The following HECW1 variants were observed in gnomAD, a reference collection of about 807,000 sequenced individuals.
HECW1 encodes HECT, C2 and WW domain containing E3 ubiquitin protein ligase 1.
HECW1 carries 61 observed loss-of-function variants against 182.3 expected under a neutral mutation model. The ratio of observed to expected loss-of-function variants is 0.33; its 90% CI spans 0.27 to 0.41. HECW1 has a LOEUF of 0.41. Ranked by LOEUF, HECW1 falls within the 10% of genes least tolerant of loss-of-function variation. The probability of loss-of-function intolerance (pLI) is 1.00; values close to 1 mark genes in which losing one functional copy is unlikely to be tolerated. For missense variants in HECW1, 1,739 were observed against 2,108.9 expected, an observed-to-expected ratio of 0.82 and a Z score of 3.44; for synonymous variants, 859 against 832.6, an observed-to-expected ratio of 1.03 and a Z score of -0.55.
At chr7:43,313,679 T>A (rs1039775964) in intron 4 of HECW1, among the ~76,000 whole-genome samples, 8 of 152,202 alleles carry the variant, frequency 5.3e-5, no homozygotes, top group African/African-American at 1.9e-4. Flanking sequence ...TAAATTTGAT[T>A]GATTATCCAC....
intron 8 of HECW1, among the ~76,000 whole-genome samples, chr7:43,412,547 C>A (rs1450861109): frequency 6.7e-6 from 1 of 149,966 alleles, no homozygotes; most frequent in Non-Finnish European, 1.5e-5. Flanking sequence ...TGGTGCGCTG[C>A]ACCCACTAAC....
At chr7:43,492,302 T>A in intron 18 of HECW1, 122 bp downstream of exon 18, 1 of 689,154 alleles carries the variant, frequency 1.5e-6, no homozygotes, top group Non-Finnish European at 2.5e-6. Context: ...GTCTTTCCTT[T>A]CTCCTCTTTT....
chr7:43,540,838 T>TA (rs2081338626), intron 24 of HECW1, among the ~76,000 whole-genome samples: 2 of 152,206 alleles, frequency 1.3e-5, no homozygotes, highest in East Asian at 3.9e-4. Context: ...GTGGGCTTTT[T>TA]ATCTAAGATT....
chr7:43,508,954 C>T lies in HECW1; in HGVS notation c.3867-15C>T, dbSNP rs776326430. 1 of 1,612,578 alleles carries T rather than the reference C, an allele frequency of 6.2e-7. No homozygotes were observed. Among genetic ancestry groups the T allele is most frequent in the Non-Finnish European group, 8.5e-7 (1 of 1,179,602 alleles). On this transcript the variant is annotated splice_polypyrimidine_tract_variant and intron_variant, in intron 23 of 29. Transcript: ENST00000395891. The stretch of plus-strand genomic sequence containing the variant: ...GGCACAGAATGAGCTTCCTGGACCT[C>T]TGCTTTCTTTGCAGCCTGGACTACA...
intron 2 of HECW1, among the ~76,000 whole-genome samples, chr7:43,122,203 G>A (rs1056406872): frequency 6.6e-6 from 1 of 152,212 alleles, no homozygotes; most frequent in Non-Finnish European, 1.5e-5. Context: ...GAGGACTGCA[G>A]AGCTTTCCCA....
At chr7:43,201,965 C>A (rs1160818858) in intron 2 of HECW1, among the ~76,000 whole-genome samples, 2 of 152,120 alleles carry the variant, frequency 1.3e-5, no homozygotes, top group Non-Finnish European at 2.9e-5. Flanking sequence ...TCTGTGAGAG[C>A]TTCAGAGAAA....
chr7:43,272,292 G>A (rs577017997), intron 3 of HECW1, among the ~76,000 whole-genome samples: 178 of 152,144 alleles, frequency 1.2e-3, no homozygotes, highest in Middle Eastern at 6.8e-3. Flanking sequence ...GAATTTATAA[G>A]TCCTCAAAAG....
intron 2 of HECW1, among the ~76,000 whole-genome samples, chr7:43,195,510 T>TA (rs1282614809): frequency 1.3e-5 from 2 of 152,132 alleles, no homozygotes; most frequent in African/African-American, 4.8e-5. Context: ...CCACGCCTCT[T>TA]ATGTTACTGC....
chr7:43,455,822 A>G (rs905938892), intron 12 of HECW1, among the ~76,000 whole-genome samples: 7 of 152,094 alleles, frequency 4.6e-5, no homozygotes, highest in East Asian at 1.9e-4. Context: ...CAACATGGTG[A>G]AACCCTGTCT....
intron 2 of HECW1, among the ~76,000 whole-genome samples, chr7:43,205,719 A>G (rs1397408492): frequency 6.6e-6 from 1 of 152,120 alleles, no homozygotes; most frequent in Non-Finnish European, 1.5e-5. Flanking sequence ...AAAAATTTCT[A>G]ATAGGTTCTC....
intron 15 of HECW1, among the ~76,000 whole-genome samples, 179 bp from the exon 16 acceptor site, chr7:43,468,741 C>T (rs867040664): frequency 1.3e-5 from 2 of 152,100 alleles, no homozygotes; most frequent in South Asian, 2.1e-4. Context: ...AGGCTGGTCT[C>T]GAATTCCTGG....
chr7:43,116,746 G>A (rs77352497), intron 2 of HECW1, among the ~76,000 whole-genome samples: 2,172 of 152,302 alleles, frequency 0.014, 48 homozygotes, highest in African/African-American at 0.05. Flanking sequence ...TGATGTTCAC[G>A]GACTTTTAGA....
chr7:43,302,816 C>T (rs1382763739), intron 3 of HECW1, among the ~76,000 whole-genome samples: 1 of 152,190 alleles, frequency 6.6e-6, no homozygotes, highest in African/African-American at 2.4e-5. Context: ...TAGTGCCTTC[C>T]TGAGGAAGAA....
At chr7:43,144,374 A>C (rs1191720025) in intron 2 of HECW1, among the ~76,000 whole-genome samples, 1 of 152,014 alleles carries the variant, frequency 6.6e-6, no homozygotes, top group East Asian at 1.9e-4. Flanking sequence ...CTTCCCATGC[A>C]GAGCTCTTTG....
intron 6 of HECW1, among the ~76,000 whole-genome samples, chr7:43,361,410 C>T (rs192182566): frequency 6.6e-6 from 1 of 152,128 alleles, no homozygotes; most frequent in East Asian, 1.9e-4. Flanking sequence ...GATTTATTGC[C>T]TCAGGTTGAT....
At chr7:43,437,459 A>G (rs1487648991) in intron 8 of HECW1, among the ~76,000 whole-genome samples, 1 of 152,228 alleles carries the variant, frequency 6.6e-6, no homozygotes, top group Non-Finnish European at 1.5e-5. Flanking sequence ...ATATAATTCT[A>G]GGTTGAAGGA....
intron 8 of HECW1, among the ~76,000 whole-genome samples, chr7:43,410,890 CTT>C (rs1182416472): frequency 6.6e-6 from 1 of 151,754 alleles, no homozygotes. Context: ...CTTTTTTTCT[CTT>C]TGTTTGTTAA....
intron 2 of HECW1, among the ~76,000 whole-genome samples, chr7:43,129,533 T>C (rs1017602146): frequency 6.6e-6 from 1 of 152,194 alleles, no homozygotes; most frequent in Non-Finnish European, 1.5e-5. Flanking sequence ...ATTTGTATGA[T>C]CCATTTTGTT....
Position 43,541,148 on chromosome 7 carries a change from T to C in HECW1, c.4020-15T>C. 6.2e-7 allele frequency: 1 copy of C among 1,601,918 alleles called. No homozygotes were observed. Among genetic ancestry groups the C allele is most frequent in the Non-Finnish European group, 8.6e-7 (1 of 1,168,890 alleles). On this transcript the variant is annotated splice_polypyrimidine_tract_variant and intron_variant, in intron 24 of 29. Transcript: ENST00000395891. ...ATTTCCACTTACCGATTTCTCTGCC[T>C]TGTCTGTGTTCCAGGTTCAGGTTTA...
Sources: gnomAD v4.1 joint callset for allele counts (sites outside exome capture counted in the v4.1 genomes callset) on GRCh38, gnomAD v4.1.1 for gene constraint, MANE v1.5 for transcripts, NCBI Gene and HGNC (gene_info 2026-07-23, HGNC 2026-07-21) for gene names.